CSMD1: variants seen among roughly 807,000 people sequenced by gnomAD.
CSMD1 encodes CUB and Sushi multiple domains 1, also known as CUB and sushi domain-containing protein 1.
A neutral mutation model predicts 417.5 loss-of-function variants in CSMD1; 213 were observed. The ratio of observed to expected loss-of-function variants is 0.51; its 90% CI spans 0.46 to 0.57. The LOEUF is 0.57. Ranked by LOEUF, CSMD1 falls within the 20% of genes least tolerant of loss-of-function variation. The probability of loss-of-function intolerance (pLI) is 0.00; values close to 1 mark genes in which losing one functional copy is unlikely to be tolerated. For synonymous variants in CSMD1, 2,862 were observed against 1,736.8 expected, an observed-to-expected ratio of 1.65 and a Z score of -16.11; for missense variants, 6,923 against 4,529.7, an observed-to-expected ratio of 1.53 and a Z score of -15.17.
At chr8:4,292,762 A>G (rs938025655) in intron 3 of CSMD1, among the ~76,000 whole-genome samples, 1 of 152,190 alleles carries the variant, frequency 6.6e-6, no homozygotes, top group South Asian at 2.1e-4. Context: ...TTCAAACTGA[A>G]TATTAAACAC....
Position 4,215,237 on chromosome 8 carries a change from G to C in CSMD1, c.416-183138C>G, listed in dbSNP as rs183549157. On this transcript the variant is annotated intron_variant, in intron 3 of 69. Transcript: ENST00000635120. ...ACCTCTAGGTAGAAATTCTTGATCA[G>C]AGATGTGCTTTTCTCCTGTTCATAG... is the stretch of plus-strand genomic sequence containing the variant. Among the ~76,000 whole-genome samples, 331 of 152,282 alleles carry C rather than the reference G, an allele frequency of 2.2e-3. 1 individual carries two copies. Among genetic ancestry groups the C allele is most frequent in the Admixed American group, 4.7e-3 (72 of 15,300 alleles).
chr8:3,118,268 A>G, intron 42 of CSMD1, 131 bp downstream of exon 42: 1 of 699,820 alleles, frequency 1.4e-6, no homozygotes, highest in Non-Finnish European at 2.3e-6. Flanking sequence ...TGGAGTGAGT[A>G]AAACATAATA....
chr8:4,247,026 A>G (rs190859840), intron 3 of CSMD1, among the ~76,000 whole-genome samples: 27 of 152,350 alleles, frequency 1.8e-4, no homozygotes, highest in African/African-American at 5.8e-4. Context: ...TATGTGCTAA[A>G]TATCATTCAA....
intron 8 of CSMD1, among the ~76,000 whole-genome samples, chr8:3,609,061 C>G (rs866627503): frequency 1.3e-5 from 2 of 152,194 alleles, no homozygotes; most frequent in Non-Finnish European, 2.9e-5. Context: ...TTATAATTAT[C>G]TGTGTTACAA....
Position 4,042,776 on chromosome 8 carries a change from G to A in CSMD1, c.416-10677C>T, listed in dbSNP as rs76074819. 1.3e-3 allele frequency among the ~76,000 whole-genome samples: 165 copies of A among 128,346 alleles called. 1 individual carries two copies. The East Asian group carries it at 0.036, about 28-fold the overall frequency. 84.2% of individuals were successfully genotyped at this position (128,346 alleles called of 152,430 possible). On this transcript the variant is annotated intron_variant, in intron 3 of 69. Transcript: ENST00000635120. ...TAAGAAGAAAGGAGAGCACATTGCT[G>A]TATCTTCGCTATACAATAGGTGAAG...
At chr8:2,997,698 T>G (rs1350577878) in intron 54 of CSMD1, among the ~76,000 whole-genome samples, 1 of 152,148 alleles carries the variant, frequency 6.6e-6, no homozygotes, top group African/African-American at 2.4e-5. Context: ...AGAAGCATAA[T>G]GGCCCCCAAA....
At chr8:3,123,566 G>A (rs1233341476) in intron 41 of CSMD1, among the ~76,000 whole-genome samples, 3 of 151,834 alleles carry the variant, frequency 2.0e-5, no homozygotes, top group Non-Finnish European at 2.9e-5. Flanking sequence ...TTGGAAAAAT[G>A]AGTCCTACTG....
At chr8:4,003,774 C>G (rs1464396690) in intron 4 of CSMD1, among the ~76,000 whole-genome samples, 1 of 152,150 alleles carries the variant, frequency 6.6e-6, no homozygotes, top group African/African-American at 2.4e-5. Context: ...CGGCAAATTA[C>G]TCAACTTAGG....
At chr8:4,399,525 TTCCTC>T (rs1804502601) in intron 3 of CSMD1, among the ~76,000 whole-genome samples, 2 of 152,126 alleles carry the variant, frequency 1.3e-5, no homozygotes, top group South Asian at 4.1e-4. Context: ...TCAAGAAACT[TTCCTC>T]TCTGAATCCT....
chr8:4,448,390 T>G (rs1305953296), intron 2 of CSMD1, among the ~76,000 whole-genome samples: 3 of 152,138 alleles, frequency 2.0e-5, no homozygotes, highest in African/African-American at 4.8e-5. Context: ...GTTGTCCAAC[T>G]CCTACTTTCA....
intron 30 of CSMD1, among the ~76,000 whole-genome samples, chr8:3,212,559 G>A (rs546900507): frequency 4.2e-4 from 64 of 152,178 alleles, no homozygotes; most frequent in Non-Finnish European, 8.4e-4. Context: ...TTGTCATGTT[G>A]CTCAGGCTGG....
intron 3 of CSMD1, among the ~76,000 whole-genome samples, chr8:4,344,505 A>T (rs1039430741): frequency 6.6e-6 from 1 of 151,446 alleles, no homozygotes; most frequent in African/African-American, 2.4e-5. Flanking sequence ...TTTCATTTTC[A>T]TAAAAATGAT....
At chr8:4,281,918 G>C (rs905887735) in intron 3 of CSMD1, among the ~76,000 whole-genome samples, 1 of 152,182 alleles carries the variant, frequency 6.6e-6, no homozygotes, top group African/African-American at 2.4e-5. Flanking sequence ...GTGACGTTTT[G>C]ATGACATAGA....
intron 3 of CSMD1, among the ~76,000 whole-genome samples, chr8:4,247,176 T>C (rs1040019729): frequency 6.6e-6 from 1 of 152,218 alleles, no homozygotes; most frequent in Non-Finnish European, 1.5e-5. Context: ...TTTTATGCTC[T>C]ATAACACAGT....
At chr8:4,372,509 A>T (rs1301126646) in intron 3 of CSMD1, among the ~76,000 whole-genome samples, 3 of 152,170 alleles carry the variant, frequency 2.0e-5, no homozygotes, top group Non-Finnish European at 4.4e-5. Flanking sequence ...AACAGAAAAA[A>T]AGTCCTCTAA....
intron 7 of CSMD1, among the ~76,000 whole-genome samples, chr8:3,707,618 A>G (rs1801246006): frequency 6.6e-6 from 1 of 152,196 alleles, no homozygotes; most frequent in Admixed American, 6.5e-5. Context: ...AGTAACTGTT[A>G]TGACATGTGT....
At chr8:4,099,707 T>A (rs59199244) in intron 3 of CSMD1, among the ~76,000 whole-genome samples, 31,872 of 152,092 alleles carry the variant, frequency 0.21, 4,083 homozygotes, top group African/African-American at 0.35. Flanking sequence ...CTTCTTTTCT[T>A]TTGGGACTTT....
chr8:4,340,104 T>A (rs956478497), intron 3 of CSMD1, among the ~76,000 whole-genome samples: 6 of 152,094 alleles, frequency 3.9e-5, no homozygotes, highest in African/African-American at 1.4e-4. Context: ...AGAGTTAACC[T>A]TAGAAGTTTT....
intron 1 of CSMD1, among the ~76,000 whole-genome samples, chr8:4,954,274 A>T (rs886384257): frequency 6.6e-6 from 1 of 152,212 alleles, no homozygotes; most frequent in African/African-American, 2.4e-5. Context: ...ATGGTGTGAT[A>T]AGTGTTACAA....
Sources: allele counts gnomAD v4.1 joint callset (sites outside exome capture counted in the v4.1 genomes callset), GRCh38; gene constraint gnomAD v4.1.1; transcripts MANE v1.5; gene names NCBI Gene and HGNC (gene_info 2026-07-23, HGNC 2026-07-21).